The following RPL3 variants were observed in gnomAD, a reference collection of about 807,000 sequenced individuals.
RPL3 encodes large ribosomal subunit protein uL3.
RPL3 carries 3 observed loss-of-function variants against 46.0 expected under a neutral mutation model. The observed-to-expected ratio is 0.07, with a 90% CI of 0.03 to 0.17. RPL3 has a LOEUF of 0.17. Ranked by LOEUF, RPL3 falls within the 10% of genes least tolerant of loss-of-function variation. The pLI, the probability that RPL3 is intolerant of heterozygous loss-of-function variation, is 1.00. For missense variants in RPL3, 387 were observed against 532.7 expected (o/e 0.73, Z 2.69); for synonymous variants, 224 against 190.8 (o/e 1.17, Z -1.43).
chr22:39,318,598 T>TG lies in RPL3; in HGVS notation c.4-7dup, dbSNP rs748102046. 1.2e-5 allele frequency: 20 copies of TG among 1,602,260 alleles called. No individual in the cohort carries two copies. In the South Asian group the frequency reaches 1.6e-4, roughly 12 times the overall value. On this transcript the variant is annotated splice_region_variant and splice_polypyrimidine_tract_variant and intron_variant, in intron 1 of 9. Coordinates refer to ENST00000216146, the MANE Select transcript of RPL3 (RefSeq NM_000967.4). The stretch of plus-strand genomic sequence containing the variant: ...GCGGAGAACTTTCTGTGAGACTAGG[T>TG]GGGAAAAAAATCACCGTCAGCACCC...
Position 39,318,553 on chromosome 22 carries a change from C to T in RPL3, c.43G>A (p.Gly15Ser). The change falls in exon 2 of 10, where the codon GGC becomes AGC. Residue 15 changes from glycine to serine, a missense_variant. Gly to Ser is a moderately conservative substitution (Grantham distance 56, BLOSUM62 0). Coordinates refer to ENST00000216146, the MANE Select transcript of RPL3 (RefSeq NM_000967.4). Reference sequence around the variant, plus strand: ...CTGCTGCGCTTCCGAGGCAGGAAGCCGAGGGACCCATGTCTGGGAGCGGAG... The same window carrying T: ...CTGCTGCGCTTCCGAGGCAGGAAGCTGAGGGACCCATGTCTGGGAGCGGAG... ...KFSAPRHGSL[G>S]FLPRKRSSRH... The T allele has an allele frequency of 1.2e-6, 2 of 1,612,828 alleles. No individual in the cohort carries two copies. Among genetic ancestry groups the T allele is most frequent in the Non-Finnish European group, 1.7e-6 (2 of 1,179,454 alleles).
rs900725866 is a variant in RPL3 at position 39,316,624 on chromosome 22, C to T, written c.501+82G>A. On this transcript the variant is annotated intron_variant, in intron 4 of 9. Transcript: ENST00000216146. ...GGCAAGGGAGAAGCCTACCCATAAG[C>T]GTGCGGGCACGGGACCCCCATGATC... The T allele has an allele frequency of 8.3e-6, 13 of 1,571,396 alleles. No homozygotes were observed. In the African/African-American group the frequency reaches 1.1e-4, roughly 13 times the overall value.
intron 1 of RPL3, 180 bp downstream of exon 1, chr22:39,319,415 A>G: frequency 1.2e-6 from 1 of 827,222 alleles, no homozygotes. Flanking sequence ...CAGTCCTCCA[A>G]GCGCTCTTCA....
chr22:39,315,252 C>T lies in RPL3; in HGVS notation c.688+117G>A, dbSNP rs1569160202. The T allele has an allele frequency of 2.9e-6, 4 of 1,375,888 alleles. No individual in the cohort carries two copies. The Admixed American group carries it at 5.0e-5, about 17-fold the overall frequency. The allele number at this position is 1,375,888 out of a possible 1,614,324, so 85.2% of individuals were successfully genotyped here. A position where few individuals can be genotyped will look rare whatever the true frequency, so the allele number is the denominator to read the frequency against. Reference sequence around the variant, plus strand: ...GAAGGCAGTAGAGAATGGTTCTACACTGTCCGATTCGGGCGCTGTACCCAG... The same window carrying T: ...GAAGGCAGTAGAGAATGGTTCTACATTGTCCGATTCGGGCGCTGTACCCAG... On this transcript the variant is annotated intron_variant, in intron 5 of 9. Coordinates refer to ENST00000216146, the MANE Select transcript of RPL3 (RefSeq NM_000967.4).
intron 2 of RPL3, 110 bp downstream of exon 2, chr22:39,318,290 C>T: frequency 8.9e-7 from 1 of 1,127,376 alleles, no homozygotes. Flanking sequence ...CAACGTGTAA[C>T]TCCTGCTTAA....
At position 39,317,457 on chromosome 22, in the gene RPL3, T is replaced by C; in HGVS notation, c.365+4A>G. 6.2e-7 allele frequency: 1 copy of C among 1,612,866 alleles called. No individual in the cohort carries two copies. Among genetic ancestry groups the C allele is most frequent in the Non-Finnish European group, 8.5e-7 (1 of 1,179,054 alleles). On this transcript the variant is annotated splice_donor_region_variant and intron_variant, in intron 3 of 9. Transcript: ENST00000216146. ...GCTAGGGACTGCATGGCCTCCTCCCTTACCAATTCTTATAGAAACGCCTCT... is the reference window on the plus strand; with the variant it reads ...GCTAGGGACTGCATGGCCTCCTCCCCTACCAATTCTTATAGAAACGCCTCT...
At chr22:39,318,379 T>C in intron 2 of RPL3, 21 bp downstream of exon 2, 1 of 1,606,740 alleles carries the variant, frequency 6.2e-7, no homozygotes, top group Non-Finnish European at 8.5e-7. Context: ...TTCCCCCAAC[T>C]TTTAGGATGT....
intron 4 of RPL3, 77 bp downstream of exon 4, chr22:39,316,629 G>A (rs1173666849): frequency 1.3e-5 from 20 of 1,585,250 alleles, no homozygotes; most frequent in African/African-American, 6.7e-5. Flanking sequence ...ATAAGCGTGC[G>A]GGCACGGGAC....
chr22:39,319,468 C>T (rs1922914997), intron 1 of RPL3, 127 bp downstream of exon 1: 3 of 1,311,806 alleles, frequency 2.3e-6, no homozygotes, highest in Non-Finnish European at 2.1e-6. Context: ...ACTGAAGTCC[C>T]CGCTGGGTCG....
At position 39,313,291 on chromosome 22, in the gene RPL3, T is replaced by C; in HGVS notation, c.1067A>G (p.Lys356Arg). 1.2e-6 allele frequency: 2 copies of C among 1,613,904 alleles called. No homozygotes were observed. Among genetic ancestry groups the C allele is most frequent in the South Asian group, 2.2e-5 (2 of 91,000 alleles). Residue 356 changes from lysine to arginine, a missense_variant, in exon 9 of 10, where the codon AAG becomes AGG. Physicochemically the swap from Lys to Arg is conservative, Grantham distance 26. Around this residue, in one of 5 missense-constraint regions of RPL3, gnomAD observed 131 missense variants for 185.1 expected, o/e 0.71. Coordinates refer to ENST00000216146, the MANE Select transcript of RPL3 (RefSeq NM_000967.4). ...GTCAATCTTCTCCAGAGCCCGCCGC[T>C]TCGTCTGCACCAGCAAGGACTATGG... ...TLRKSLLVQT[K>R]RRALEKIDLK... is the part of the protein sequence containing the mutation.
At chr22:39,318,816 T>G (rs1922864942) in intron 1 of RPL3, among the ~76,000 whole-genome samples, 1 of 152,148 alleles carries the variant, frequency 6.6e-6, no homozygotes, top group Non-Finnish European at 1.5e-5. Context: ...CCTCTCAACC[T>G]GTAAGAAAAC....
chr22:39,313,690 C>G lies in RPL3; in HGVS notation c.991G>C (p.Val331Leu), dbSNP rs1922499268. ...CCCACCACACAGCCTTTCAGCATGA[C>G]AAAGTCATTGGTCACTTCACCATAG... The part of the protein sequence containing the change: ...VHYGEVTNDF[V>L]MLKGCVVGTK... The change falls in exon 8 of 10, where the codon GTC (valine) becomes CTC (leucine). Residue 331 changes from valine to leucine, a missense_variant. Physicochemically the swap from Val to Leu is conservative, Grantham distance 32. Around this residue, in one of 5 missense-constraint regions of RPL3, gnomAD observed 131 missense variants for 185.1 expected, o/e 0.71. Transcript: ENST00000216146. The G allele has an allele frequency of 6.2e-7, 1 of 1,614,126 alleles. No individual in the cohort carries two copies. The highest frequency in any genetic ancestry group is 2.2e-5 in the East Asian group (1 of 44,894).
chr22:39,318,739 T>C (rs1922860775), intron 1 of RPL3, 147 bp from the exon 2 acceptor site: 4 of 665,018 alleles, frequency 6.0e-6, no homozygotes, highest in Admixed American at 3.0e-5. Context: ...CATTATCTCT[T>C]CCAGGCTCGC....
chr22:39,313,130 C>CA, intron 9 of RPL3, 61 bp downstream of exon 9: 1 of 1,598,636 alleles, frequency 6.3e-7, no homozygotes, highest in Non-Finnish European at 8.5e-7. Flanking sequence ...CGGCTGGAGC[C>CA]AAAGGCAGGC....
At position 39,316,727 on chromosome 22, in the gene RPL3, G is replaced by A; in HGVS notation, c.480C>T (p.Ile160=). 10 of 1,612,628 alleles carry A rather than the reference G, an allele frequency of 6.2e-6. No individual in the cohort carries two copies. Among genetic ancestry groups the A allele is most frequent in the African/African-American group, 1.3e-5 (1 of 75,024 alleles). The part of the protein sequence containing the change: ...FSSMKKYCQV[I]RVIAHTQMRL... ...TCACCTGGGTGTGGGCAATGACACG[G>A]ATGACTTGGCAGTACTTCTTCATGC... The change falls in exon 4 of 10, where the codon ATC becomes ATT. Residue 160 remains isoleucine (I), a synonymous_variant. Transcript: ENST00000216146.
chr22:39,317,051 G>A (rs1447241228), intron 3 of RPL3: 4 of 707,154 alleles, frequency 5.7e-6, no homozygotes, highest in Non-Finnish European at 9.6e-6. Flanking sequence ...GTTAATTTAA[G>A]TTACACGCAT....
rs1220348575 is a variant in RPL3, at chr22:39,315,085, GGACT to G, written c.689-243_689-240del. Reference sequence around the variant, plus strand: ...TTAGTTTAAGCTCCCCCATTCACAGGGACTGACTAACATAATTCCAAGCTCCCCT... The same window carrying G: ...TTAGTTTAAGCTCCCCCATTCACAGGGACTAACATAATTCCAAGCTCCCCT... On this transcript the variant is annotated intron_variant, in intron 5 of 9. Coordinates refer to ENST00000216146, the MANE Select transcript of RPL3 (RefSeq NM_000967.4). 3.3e-4 allele frequency: 234 copies of G among 706,408 alleles called. 2 individuals carry two copies. In the South Asian group the frequency reaches 3.4e-3, roughly 10 times the overall value. The allele number at this position is 706,408 out of a possible 1,614,324, so 43.8% of individuals were successfully genotyped here.
rs756931411 is a variant in RPL3 at position 39,316,983 on chromosome 22, G to T, written c.366-142C>A. ...TAAGGAGCCTTTTCCACCAGCAAGC[G>T]GAGCCTGGATGGAGCTCATCGGGCA... On this transcript the variant is annotated intron_variant, in intron 3 of 9. Transcript: ENST00000216146. 4.1e-5 allele frequency: 53 copies of T among 1,288,962 alleles called. No individual in the cohort carries two copies. In the South Asian group the frequency reaches 6.5e-4, roughly 16 times the overall value. 79.8% of individuals were successfully genotyped at this position (1,288,962 alleles called of 1,614,324 possible).
chr22:39,319,088 G>A (rs755881760), intron 1 of RPL3: 2 of 537,482 alleles, frequency 3.7e-6, no homozygotes, highest in Non-Finnish European at 7.6e-6. Context: ...GTTTCTGTCC[G>A]CCCGTCAATA....
Sources: gnomAD v4.1 joint callset for allele counts (sites outside exome capture counted in the v4.1 genomes callset) on GRCh38, gnomAD v4.1.1 for gene constraint, gnomAD v4.1.1 regional missense constraint, MANE v1.5 for transcripts, NCBI Gene and HGNC (gene_info 2026-07-23, HGNC 2026-07-21) for gene names.